Variants in RUNDC3B observed in about 807,000 individuals in gnomAD.
RUNDC3B encodes RUN domain-containing protein 3B.
A neutral mutation model predicts 58.4 loss-of-function variants in RUNDC3B; 33 were observed. The observed-to-expected ratio is 0.56, with a 90% CI of 0.43 to 0.75. The LOEUF (loss-of-function observed/expected upper bound fraction) is 0.75, where lower values mean the gene tolerates loss of function less well. RUNDC3B is among the 30% of genes least tolerant of loss of function. The pLI, the probability that RUNDC3B is intolerant of heterozygous loss-of-function variation, is 0.00. For synonymous variants in RUNDC3B, 193 were observed against 195.2 expected (o/e 0.99, Z 0.10); for missense variants, 501 against 535.7 (o/e 0.94, Z 0.64).
chr7:87,755,123 A>G (rs1217192499), intron 6 of RUNDC3B, among the ~76,000 whole-genome samples: 1 of 151,856 alleles, frequency 6.6e-6, no homozygotes, highest in Non-Finnish European at 1.5e-5. Flanking sequence ...CCCGGGTTCA[A>G]GTGATTCTCC....
chr7:87,723,553 G>A (rs1291320868), intron 4 of RUNDC3B, among the ~76,000 whole-genome samples: 1 of 152,118 alleles, frequency 6.6e-6, no homozygotes, highest in African/African-American at 2.4e-5. Flanking sequence ...TAATGTCACA[G>A]GTTGACAAAG....
At chr7:87,821,519 T>G (rs916147022) in intron 10 of RUNDC3B, among the ~76,000 whole-genome samples, 2 of 152,282 alleles carry the variant, frequency 1.3e-5, no homozygotes, top group Non-Finnish European at 1.5e-5. Context: ...ATGACTTTCT[T>G]CACAGAATTG....
intron 2 of RUNDC3B, among the ~76,000 whole-genome samples, chr7:87,687,096 CTTA>C (rs757563248): frequency 1.8e-4 from 27 of 152,080 alleles, no homozygotes; most frequent in Non-Finnish European, 3.2e-4. Context: ...GCTAATTATA[CTTA>C]TTAACATTTG....
At chr7:87,702,761 A>C (rs1388421947) in intron 3 of RUNDC3B, among the ~76,000 whole-genome samples, 2 of 152,224 alleles carry the variant, frequency 1.3e-5, no homozygotes, top group Non-Finnish European at 2.9e-5. Context: ...GAAATCTCAA[A>C]TGATCTCAAA....
At chr7:87,674,580 T>C (rs1195852686) in intron 2 of RUNDC3B, among the ~76,000 whole-genome samples, 2 of 152,046 alleles carry the variant, frequency 1.3e-5, no homozygotes, top group African/African-American at 2.4e-5. Context: ...AAATAGTATA[T>C]GCCAGTAAAG....
At chr7:87,796,472 G>T (rs962747925) in intron 8 of RUNDC3B, among the ~76,000 whole-genome samples, 2 of 152,000 alleles carry the variant, frequency 1.3e-5, no homozygotes, top group African/African-American at 2.4e-5. Flanking sequence ...CGGATTGCTG[G>T]TAACATAAAG....
intron 4 of RUNDC3B, among the ~76,000 whole-genome samples, chr7:87,722,598 AAGG>A (rs1380415864): frequency 6.6e-6 from 1 of 152,186 alleles, no homozygotes; most frequent in Non-Finnish European, 1.5e-5. Flanking sequence ...AACAGAAAGT[AAGG>A]AGATTACCAT....
At chr7:87,637,288 C>G (rs1253284640) in intron 1 of RUNDC3B, among the ~76,000 whole-genome samples, 2 of 152,140 alleles carry the variant, frequency 1.3e-5, no homozygotes, top group South Asian at 2.1e-4. Flanking sequence ...GTCTATTTGT[C>G]TCTCCTGAGC....
At chr7:87,790,154 C>T (rs1304030380) in intron 8 of RUNDC3B, among the ~76,000 whole-genome samples, 1 of 152,186 alleles carries the variant, frequency 6.6e-6, no homozygotes, top group Non-Finnish European at 1.5e-5. Flanking sequence ...CATCACCACA[C>T]CCCCAGTTCC....
chr7:87,648,663 G>A (rs906241248), intron 1 of RUNDC3B, among the ~76,000 whole-genome samples: 5 of 152,024 alleles, frequency 3.3e-5, no homozygotes, highest in South Asian at 2.1e-4. Flanking sequence ...TGTTTCTAAT[G>A]TTTTAAAGTG....
At chr7:87,825,526 G>T (rs1837755972) in intron 10 of RUNDC3B, among the ~76,000 whole-genome samples, 2 of 152,196 alleles carry the variant, frequency 1.3e-5, no homozygotes, top group Admixed American at 6.5e-5. Flanking sequence ...GAAGGGAAAT[G>T]TGGGGTCAGA....
intron 5 of RUNDC3B, among the ~76,000 whole-genome samples, chr7:87,740,377 G>A (rs1335415214): frequency 6.6e-6 from 1 of 151,768 alleles, no homozygotes; most frequent in African/African-American, 2.4e-5. Context: ...TTGTCAACAA[G>A]ATGAACTGGT....
At position 87,702,004 on chromosome 7, in the gene RUNDC3B, G is replaced by A. The variant is rs1185271432; in HGVS notation, c.372+1450G>A. ...TGAAAATATAAAAAATTAGCCAGGC[G>A]TGGTGGTGGGCACCTGTAATCCCAG... On this transcript the variant is annotated intron_variant, in intron 3 of 10. Coordinates refer to ENST00000394654, the MANE Select transcript of RUNDC3B (RefSeq NM_001134405.2). 2.6e-5 allele frequency among the ~76,000 whole-genome samples: 4 copies of A among 151,632 alleles called. No individual in the cohort carries two copies. In the East Asian group the frequency reaches 7.8e-4, roughly 30 times the overall value.
intron 4 of RUNDC3B, among the ~76,000 whole-genome samples, chr7:87,736,845 A>G (rs1318300475): frequency 3.3e-5 from 4 of 120,240 alleles, no homozygotes; most frequent in African/African-American, 6.4e-5. Flanking sequence ...GTATGTGTGT[A>G]TATATATACC....
intron 1 of RUNDC3B, among the ~76,000 whole-genome samples, chr7:87,649,162 T>C (rs1046295231): frequency 3.3e-5 from 5 of 152,172 alleles, no homozygotes; most frequent in Admixed American, 6.5e-5. Flanking sequence ...AGGGAGTTGT[T>C]TGAGGTGACA....
intron 2 of RUNDC3B, among the ~76,000 whole-genome samples, chr7:87,699,549 G>T (rs1404750532): frequency 6.6e-6 from 1 of 152,110 alleles, no homozygotes; most frequent in Non-Finnish European, 1.5e-5. Context: ...GGGATTATGG[G>T]CATACACCAC....
intron 6 of RUNDC3B, among the ~76,000 whole-genome samples, chr7:87,751,305 A>G (rs1241114332): frequency 2.0e-5 from 3 of 152,100 alleles, no homozygotes; most frequent in Non-Finnish European, 4.4e-5. Flanking sequence ...GTTTGAAGTC[A>G]GGTAGTGTGA....
rs17149854 is a variant in RUNDC3B, at chr7:87,691,803, G to A, written c.239-8618G>A. Reference sequence around the variant, plus strand: ...ACAACTGACTAATTATCCTCCATCAGTCAGGTCCTGCCTATCTCCTAAGGA... The same window carrying A: ...ACAACTGACTAATTATCCTCCATCAATCAGGTCCTGCCTATCTCCTAAGGA... On this transcript the variant is annotated intron_variant, in intron 2 of 10. Coordinates refer to ENST00000394654, the MANE Select transcript of RUNDC3B (RefSeq NM_001134405.2). 2.8e-3 allele frequency among the ~76,000 whole-genome samples: 432 copies of A among 152,262 alleles called. 6 individuals are homozygous for A. In the East Asian group the frequency reaches 0.05, roughly 17 times the overall value.
chr7:87,637,953 A>C (rs767895716), intron 1 of RUNDC3B, among the ~76,000 whole-genome samples: 1 of 152,088 alleles, frequency 6.6e-6, no homozygotes, highest in African/African-American at 2.4e-5. Flanking sequence ...AACGTTCAAA[A>C]TTTTATTATT....
Sources: gnomAD v4.1 joint callset for allele counts (sites outside exome capture counted in the v4.1 genomes callset) on GRCh38, gnomAD v4.1.1 for gene constraint, MANE v1.5 for transcripts, NCBI Gene and HGNC (gene_info 2026-07-23, HGNC 2026-07-21) for gene names.